Variants in EXOC2 observed in about 807,000 individuals in gnomAD.
The protein encoded by EXOC2 is exocyst complex component 2.
In EXOC2, 70 loss-of-function variants were observed where a neutral mutation model predicts 131.8. The observed-to-expected ratio is 0.53, with a 90% CI of 0.44 to 0.65. The LOEUF (loss-of-function observed/expected upper bound fraction) is 0.65, where lower values mean the gene tolerates loss of function less well. EXOC2 is among the 30% of genes least tolerant of loss of function. The pLI is 0.00. For synonymous variants in EXOC2, 411 were observed against 398.4 expected (o/e 1.03, Z -0.38); for missense variants, 923 against 1,108.6 (o/e 0.83, Z 2.38).
At chr6:593,572 A>G (rs1239973651) in intron 10 of EXOC2, among the ~76,000 whole-genome samples, 23 of 152,268 alleles carry the variant, frequency 1.5e-4, no homozygotes, top group Admixed American at 1.5e-3. Context: ...ATTTCTGTCA[A>G]ATATTATTTA....
chr6:499,613 A>G (rs370681877), intron 24 of EXOC2, 32 bp downstream of exon 24: 11 of 1,576,022 alleles, frequency 7.0e-6, no homozygotes, highest in African/African-American at 5.5e-5. Flanking sequence ...TTGGTTATCC[A>G]TATCTCTTAG....
At chr6:545,125 GCCTGGGCGA>G (rs1457491413) in intron 22 of EXOC2, among the ~76,000 whole-genome samples, 1 of 141,074 alleles carries the variant, frequency 7.1e-6, no homozygotes, top group Non-Finnish European at 1.5e-5. Flanking sequence ...CCGCAGTCCG[GCCTGGGCGA>G]CAGAGCGAGA....
At chr6:666,146 C>A (rs1227946655) in intron 1 of EXOC2, among the ~76,000 whole-genome samples, 4 of 152,114 alleles carry the variant, frequency 2.6e-5, no homozygotes, top group Non-Finnish European at 4.4e-5. Flanking sequence ...AAAGAGTGTG[C>A]CAATCCGTTA....
At chr6:639,677 C>T (rs897331734) in intron 1 of EXOC2, among the ~76,000 whole-genome samples, 5 of 152,230 alleles carry the variant, frequency 3.3e-5, no homozygotes, top group African/African-American at 9.7e-5. Context: ...ATCACCTGTA[C>T]AGCCACTCAC....
At chr6:518,059 C>T (rs9504180) in intron 23 of EXOC2, among the ~76,000 whole-genome samples, 23,922 of 152,180 alleles carry the variant, frequency 0.16, 2,121 homozygotes, top group African/African-American at 0.24. Context: ...TACGAACAAA[C>T]TGTCTAAAAA....
intron 4 of EXOC2, among the ~76,000 whole-genome samples, chr6:625,518 C>CTTTTTTTTT (rs796295514): frequency 9.3e-5 from 10 of 108,054 alleles, no homozygotes; most frequent in Non-Finnish European, 1.5e-4. Flanking sequence ...TGTTTCCGTT[C>CTTTTTTTTT]TTTTTTTTTT....
Position 592,720 on chromosome 6 carries a change from C to T in EXOC2, c.1074-133G>A, listed in dbSNP as rs965103116. ...ATATTAGTCTTTAATATTTAATTCT[C>T]AATGAAATATATTCAAATTTCTTGG... On this transcript the variant is annotated intron_variant, in intron 10 of 27. Coordinates refer to ENST00000230449, the MANE Select transcript of EXOC2 (RefSeq NM_018303.6). The T allele has an allele frequency of 1.3e-5, 8 of 631,158 alleles. No individual in the cohort carries two copies. The African/African-American group carries it at 1.5e-4, about 12-fold the overall frequency. The allele number at this position is 631,158 out of a possible 1,614,324, so 39.1% of individuals were successfully genotyped here. A position where few individuals can be genotyped will look rare whatever the true frequency, so the allele number is the denominator to read the frequency against.
chr6:681,021 C>T (rs1352160280), intron 1 of EXOC2, among the ~76,000 whole-genome samples: 2 of 152,164 alleles, frequency 1.3e-5, no homozygotes, highest in South Asian at 2.1e-4. Context: ...CTATAAGATG[C>T]GGCTTCTGAG....
chr6:529,672 G>T lies in EXOC2; in HGVS notation c.2380+2797C>A, dbSNP rs139442258. Among the ~76,000 whole-genome samples the T allele has an allele frequency of 6.0e-4, 92 of 152,184 alleles. No individual in the cohort carries two copies. The East Asian group carries it at 0.015, about 26-fold the overall frequency. ...CATGATTTCAGAGTGAACAGTTAAC[G>T]TACTTACATGTGAATCACAGGAAAA... On this transcript the variant is annotated intron_variant, in intron 23 of 27. Transcript: ENST00000230449.
chr6:689,160 G>A (rs1452855848), intron 1 of EXOC2: 1 of 152,174 alleles, frequency 6.6e-6, no homozygotes, highest in Non-Finnish European at 1.5e-5. Flanking sequence ...CTGAAATCCA[G>A]TCTTCCCCAG....
intron 11 of EXOC2, among the ~76,000 whole-genome samples, chr6:592,148 A>G (rs1452447666): frequency 1.3e-5 from 2 of 152,136 alleles, no homozygotes; most frequent in Non-Finnish European, 2.9e-5. Flanking sequence ...CCTGGCACAG[A>G]GCAGGACTCA....
intron 1 of EXOC2, among the ~76,000 whole-genome samples, chr6:653,646 T>G (rs1293340724): frequency 6.6e-6 from 1 of 152,246 alleles, no homozygotes; most frequent in Non-Finnish European, 1.5e-5. Flanking sequence ...AACATAAAAA[T>G]GCAAGGTGAT....
chr6:562,178 GT>G (rs1298205977), intron 17 of EXOC2, among the ~76,000 whole-genome samples: 2 of 152,234 alleles, frequency 1.3e-5, no homozygotes, highest in Non-Finnish European at 2.9e-5. Flanking sequence ...AGAGACAGAA[GT>G]CCCCCCCTGG....
chr6:624,814 G>A (rs967743764), intron 4 of EXOC2, among the ~76,000 whole-genome samples: 15 of 152,212 alleles, frequency 9.9e-5, no homozygotes, highest in African/African-American at 2.2e-4. Flanking sequence ...AATGAAGCAC[G>A]GAGTAAAAAC....
intron 13 of EXOC2, among the ~76,000 whole-genome samples, chr6:569,172 ATTATTTGGC>A (rs1307864491): frequency 6.6e-6 from 1 of 152,174 alleles, no homozygotes; most frequent in Non-Finnish European, 1.5e-5. Context: ...ATATTCATCA[ATTATTTGGC>A]TGTTTTAAAG....
chr6:552,628 A>T (rs1757206532), intron 21 of EXOC2, among the ~76,000 whole-genome samples: 1 of 31,942 alleles, frequency 3.1e-5, no homozygotes, highest in Non-Finnish European at 7.9e-5. Context: ...TTCAACAACA[A>T]CAAAAAAAAA....
At chr6:652,656 C>T (rs911454485) in intron 1 of EXOC2, among the ~76,000 whole-genome samples, 1 of 151,814 alleles carries the variant, frequency 6.6e-6, no homozygotes, top group Non-Finnish European at 1.5e-5. Flanking sequence ...AACAATGAAA[C>T]ATTAAGAATT....
intron 1 of EXOC2, among the ~76,000 whole-genome samples, chr6:664,167 C>T (rs1763536916): frequency 6.6e-6 from 1 of 152,150 alleles, no homozygotes; most frequent in Non-Finnish European, 1.5e-5. Context: ...AAATCAAGAA[C>T]TCAACCCCTT....
chr6:599,144 T>C lies in EXOC2; in HGVS notation c.824A>G (p.Asn275Ser), dbSNP rs546405871. 8.1e-6 allele frequency: 13 copies of C among 1,613,296 alleles called. No homozygotes were observed. The East Asian group carries it at 8.9e-5, about 11-fold the overall frequency. Residue 275 changes from asparagine to serine, a missense_variant, in exon 8 of 28, where the codon AAT becomes AGT. Coordinates refer to ENST00000230449, the MANE Select transcript of EXOC2 (RefSeq NM_018303.6). ...DKADSTRNALNVLQRFKFLFN... is the reference protein window; with the variant it reads ...DKADSTRNALSVLQRFKFLFN... Reference sequence around the variant, plus strand: ...AAGAAACTTAAATCGCTGAAGCACATTGAGTGCATTTCTAGTGGAATCTGC... The same window carrying C: ...AAGAAACTTAAATCGCTGAAGCACACTGAGTGCATTTCTAGTGGAATCTGC...
Sources: allele counts gnomAD v4.1 joint callset (sites outside exome capture counted in the v4.1 genomes callset), GRCh38; gene constraint gnomAD v4.1.1; transcripts MANE v1.5; gene names NCBI Gene and HGNC (gene_info 2026-07-23, HGNC 2026-07-21).